Variants in KCNH1 observed in about 807,000 individuals in gnomAD.
KCNH1 encodes voltage-gated delayed rectifier potassium channel KCNH1.
Under a neutral mutation model 69.2 loss-of-function variants are expected in KCNH1, and 27 were observed. The observed-to-expected ratio is 0.39, with a 90% CI of 0.29 to 0.54. KCNH1 has a LOEUF of 0.54. Ranked by LOEUF, KCNH1 falls within the 20% of genes least tolerant of loss-of-function variation. The pLI, the probability that KCNH1 is intolerant of heterozygous loss-of-function variation, is 0.68. For synonymous variants in KCNH1, 456 were observed against 487.7 expected, an observed-to-expected ratio of 0.93 and a Z score of 0.86; for missense variants, 798 against 1,261.6, an observed-to-expected ratio of 0.63 and a Z score of 5.57.
At chr1:210,775,797 G>T (rs1162839079) in intron 9 of KCNH1, among the ~76,000 whole-genome samples, 11 of 152,148 alleles carry the variant, frequency 7.2e-5, no homozygotes, top group African/African-American at 2.4e-5. Context: ...TCCTCAAAGG[G>T]TTATCTTGAT....
At chr1:211,000,797 A>G (rs1186530942) in intron 6 of KCNH1, among the ~76,000 whole-genome samples, 1 of 152,222 alleles carries the variant, frequency 6.6e-6, no homozygotes, top group African/African-American at 2.4e-5. Flanking sequence ...ACAGCATGGT[A>G]CTGGTACCAA....
At chr1:211,042,993 C>A (rs1277409375) in intron 5 of KCNH1, among the ~76,000 whole-genome samples, 1 of 152,054 alleles carries the variant, frequency 6.6e-6, no homozygotes, top group African/African-American at 2.4e-5. Flanking sequence ...GCCCAAAATG[C>A]CTACATCAAA....
chr1:210,806,836 A>AAAAATATATATATATATATAT (rs1553346591), intron 7 of KCNH1, among the ~76,000 whole-genome samples: 1 of 85,656 alleles, frequency 1.2e-5, no homozygotes, highest in African/African-American at 5.1e-5. Flanking sequence ...AAAAAAAAAA[A>AAAAATATATATATATATATAT]ATATATATAT....
chr1:211,120,539 T>A (rs1274691509), intron 1 of KCNH1, among the ~76,000 whole-genome samples: 1 of 152,136 alleles, frequency 6.6e-6, no homozygotes, highest in Non-Finnish European at 1.5e-5. Context: ...AATTTCTTAA[T>A]GCACATCTAT....
At chr1:211,060,337 C>T (rs1158295467) in intron 5 of KCNH1, among the ~76,000 whole-genome samples, 1 of 126,744 alleles carries the variant, frequency 7.9e-6, no homozygotes, top group Non-Finnish European at 1.6e-5. Flanking sequence ...GGAGGCGGAG[C>T]TTGCAGTGAG....
At chr1:210,876,944 C>T (rs1025117074) in intron 7 of KCNH1, among the ~76,000 whole-genome samples, 2 of 151,956 alleles carry the variant, frequency 1.3e-5, no homozygotes, top group Non-Finnish European at 2.9e-5. Flanking sequence ...TACCAGATTG[C>T]CTTCTCCACC....
chr1:210,876,540 C>A (rs1686378292), intron 7 of KCNH1, among the ~76,000 whole-genome samples: 2 of 152,106 alleles, frequency 1.3e-5, no homozygotes, highest in South Asian at 2.1e-4. Context: ...AGAGCCAGGG[C>A]TAACTAGGTC....
intron 10 of KCNH1, among the ~76,000 whole-genome samples, chr1:210,740,985 C>G (rs972283510): frequency 1.7e-4 from 26 of 152,108 alleles, no homozygotes; most frequent in African/African-American, 6.0e-4. Flanking sequence ...CATTCCCCAT[C>G]ATACTGATCA....
At chr1:211,049,233 T>C (rs2102438981) in intron 5 of KCNH1, among the ~76,000 whole-genome samples, 1 of 152,288 alleles carries the variant, frequency 6.6e-6, no homozygotes, top group East Asian at 1.9e-4. Flanking sequence ...AGGAAATGCA[T>C]ATGTAAAAGT....
chr1:211,014,977 G>C (rs994620353), intron 6 of KCNH1, among the ~76,000 whole-genome samples: 1 of 152,112 alleles, frequency 6.6e-6, no homozygotes, highest in African/African-American at 2.4e-5. Flanking sequence ...TCAAAAGATG[G>C]GGTGCCCTTC....
intron 5 of KCNH1, among the ~76,000 whole-genome samples, chr1:211,028,351 A>G (rs1689721271): frequency 6.6e-6 from 1 of 152,040 alleles, no homozygotes; most frequent in Admixed American, 6.6e-5. Flanking sequence ...ATGTTTACCT[A>G]AGACAAAAAG....
At position 211,021,591 on chromosome 1, in the gene KCNH1, C is replaced by T. The variant is rs191848989; in HGVS notation, c.559-2335G>A. 2.0e-5 allele frequency among the ~76,000 whole-genome samples: 3 copies of T among 152,122 alleles called. No homozygotes were observed. In the East Asian group the frequency reaches 5.8e-4, roughly 29 times the overall value. On this transcript the variant is annotated intron_variant, in intron 5 of 10. Transcript: ENST00000271751. ...AACATAGACTACACACACACACACA[C>T]ACACACACAACCTGTTAGAACTGAT...
At chr1:210,695,940 C>T (rs553827793) in intron 10 of KCNH1, among the ~76,000 whole-genome samples, 6 of 152,314 alleles carry the variant, frequency 3.9e-5, no homozygotes, top group South Asian at 2.1e-4. Flanking sequence ...GACTGACAGG[C>T]GGGAGGAGGA....
At chr1:210,929,199 C>T (rs1574344147) in intron 6 of KCNH1, among the ~76,000 whole-genome samples, 1 of 152,190 alleles carries the variant, frequency 6.6e-6, no homozygotes, top group East Asian at 1.9e-4. Context: ...AACCCTACTA[C>T]CAAAATCAGG....
chr1:210,775,606 G>T, intron 9 of KCNH1, 62 bp from the exon 10 acceptor site: 1 of 1,335,994 alleles, frequency 7.5e-7, no homozygotes, highest in Non-Finnish European at 1.1e-6. Context: ...CATCCAGCTG[G>T]CTTCCCTCTA....
chr1:211,080,861 AC>A lies in KCNH1; in HGVS notation c.558+1918del, dbSNP rs559590832. Among the ~76,000 whole-genome samples, 11 of 152,286 alleles carry A rather than the reference AC, an allele frequency of 7.2e-5. No individual in the cohort carries two copies. The East Asian group carries it at 2.1e-3, about 29-fold the overall frequency. ...AAATGTGAGAACTAAAACCATAAAA[AC>A]CCTAGAAGAAAACCTAGGCAATACC... On this transcript the variant is annotated intron_variant, in intron 5 of 10. Transcript: ENST00000271751.
At chr1:211,049,610 G>C (rs1690157111) in intron 5 of KCNH1, among the ~76,000 whole-genome samples, 1 of 152,178 alleles carries the variant, frequency 6.6e-6, no homozygotes, top group Non-Finnish European at 1.5e-5. Context: ...AAGTAAGATA[G>C]TTTCATAGTC....
rs143251944 is a variant in KCNH1, at chr1:210,760,725, A to G, written c.2112+14623T>C. Among the ~76,000 whole-genome samples, 133 of 152,348 alleles carry G rather than the reference A, an allele frequency of 8.7e-4. 2 individuals carry two copies. The East Asian group carries it at 0.025, about 28-fold the overall frequency. ...AGTCGCATCTTACATGGATGGTAGC[A>G]GGCAAAGAGAGAGGGCTTGTGCAGG... On this transcript the variant is annotated intron_variant, in intron 10 of 10. Transcript: ENST00000271751.
chr1:210,810,188 T>C (rs1684673884), intron 7 of KCNH1, among the ~76,000 whole-genome samples: 1 of 152,206 alleles, frequency 6.6e-6, no homozygotes, highest in East Asian at 1.9e-4. Flanking sequence ...CTTAGCTTGG[T>C]GTAGAATTCT....
Sources: gnomAD v4.1 joint callset for allele counts (sites outside exome capture counted in the v4.1 genomes callset) on GRCh38, gnomAD v4.1.1 for gene constraint, MANE v1.5 for transcripts, NCBI Gene and HGNC (gene_info 2026-07-23, HGNC 2026-07-21) for gene names.